SGCD: variants seen among roughly 807,000 people sequenced by gnomAD.
SGCD encodes the protein delta-sarcoglycan.
A neutral mutation model predicts 36.6 loss-of-function variants in SGCD; 18 were observed. The ratio of observed to expected loss-of-function variants is 0.49; its 90% confidence interval spans 0.34 to 0.73. SGCD has a LOEUF of 0.73. Among genes scored for constraint, SGCD ranks in the 30% least tolerant of loss-of-function variants. The probability of loss-of-function intolerance (pLI) is 0.01; values close to 1 mark genes in which losing one functional copy is unlikely to be tolerated. For synonymous variants in SGCD, 133 were observed against 130.6 expected (o/e 1.02, Z -0.12); for missense variants, 387 against 346.7 (o/e 1.12, Z -0.92).
chr5:156,572,777 C>T (rs1039689507), intron 4 of SGCD, among the ~76,000 whole-genome samples: 1 of 152,130 alleles, frequency 6.6e-6, no homozygotes, highest in African/African-American at 2.4e-5. Flanking sequence ...CTTTTGACAT[C>T]ACCCCTTTCC....
the SGCD span, among the ~76,000 whole-genome samples, chr5:155,735,678 A>G: frequency 1.3e-5 from 2 of 152,218 alleles, no homozygotes; most frequent in South Asian, 4.1e-4. Flanking sequence ...CACAGCCTGC[A>G]ACAGCACAAT....
intron 4 of SGCD, among the ~76,000 whole-genome samples, chr5:156,574,830 T>C (rs1304923461): frequency 6.6e-6 from 1 of 152,226 alleles, no homozygotes; most frequent in Non-Finnish European, 1.5e-5. Context: ...ACATTGACTT[T>C]ATCCAAACTT....
the SGCD span, among the ~76,000 whole-genome samples, chr5:155,738,302 T>C: frequency 6.6e-6 from 1 of 152,186 alleles, no homozygotes; most frequent in African/African-American, 2.4e-5. Flanking sequence ...AAAAAGTAAA[T>C]GTGCCCTCAT....
intron 3 of SGCD, among the ~76,000 whole-genome samples, chr5:156,232,237 T>A (rs1765037563): frequency 6.6e-6 from 1 of 152,236 alleles, no homozygotes; most frequent in African/African-American, 2.4e-5. Context: ...TATGATTTTT[T>A]AAAAATCCAT....
the SGCD span, among the ~76,000 whole-genome samples, chr5:155,769,346 A>T: frequency 4.6e-5 from 7 of 151,686 alleles, no homozygotes; most frequent in African/African-American, 1.5e-4. Flanking sequence ...TATTTCATGA[A>T]TTTTAGATTA....
At chr5:156,565,889 T>C (rs1298543298) in intron 4 of SGCD, among the ~76,000 whole-genome samples, 1 of 152,236 alleles carries the variant, frequency 6.6e-6, no homozygotes. Flanking sequence ...TCCTTTTTTA[T>C]GGCTGCCTTG....
intron 3 of SGCD, among the ~76,000 whole-genome samples, chr5:156,235,561 A>T (rs1457102290): frequency 6.6e-6 from 1 of 152,116 alleles, no homozygotes. Flanking sequence ...TCAGAGATAG[A>T]GTTGTTCTCT....
At chr5:156,755,232 G>T (rs1757292911) in intron 7 of SGCD, among the ~76,000 whole-genome samples, 1 of 152,172 alleles carries the variant, frequency 6.6e-6, no homozygotes, top group Admixed American at 6.5e-5. Context: ...ACTGAGGGAA[G>T]AAGGAAGAAA....
At chr5:155,868,837 A>G (rs1365719422), upstream of SGCD, among the ~76,000 whole-genome samples, 2 of 152,162 alleles carry the variant, frequency 1.3e-5, no homozygotes, top group African/African-American at 2.4e-5. Flanking sequence ...AGGTCAGGGA[A>G]AATAGGATTC....
intron 3 of SGCD, among the ~76,000 whole-genome samples, chr5:156,142,413 C>T (rs1762604098): frequency 6.6e-6 from 1 of 152,134 alleles, no homozygotes; most frequent in Non-Finnish European, 1.5e-5. Context: ...GAAAACGTAG[C>T]AGCTTTGGAA....
In SGCD at chr5:155,899,948, A is replaced by G. The variant is rs1219184644; in HGVS notation, c.-282+29524A>G. 2.0e-5 allele frequency among the ~76,000 whole-genome samples: 3 copies of G among 152,302 alleles called. No homozygotes were observed. In the East Asian group the frequency reaches 5.8e-4, roughly 29 times the overall value. Reference sequence around the variant, plus strand: ...AACACATATCATGATTTAAAGTTCTATTCATACTTGAATGATGAAACTGTG... The same window carrying G: ...AACACATATCATGATTTAAAGTTCTGTTCATACTTGAATGATGAAACTGTG... On this transcript the variant is annotated intron_variant, in intron 1 of 9. Coordinates refer to the SGCD transcript ENST00000517913.
At chr5:156,136,467 A>G (rs1251620645) in intron 3 of SGCD, among the ~76,000 whole-genome samples, 1 of 152,208 alleles carries the variant, frequency 6.6e-6, no homozygotes, top group Non-Finnish European at 1.5e-5. Flanking sequence ...GGATGACCAC[A>G]TGCAAATGCA....
the SGCD span, among the ~76,000 whole-genome samples, chr5:155,809,165 G>A: frequency 6.6e-6 from 1 of 152,180 alleles, no homozygotes; most frequent in African/African-American, 2.4e-5. Context: ...AGAAGACCAG[G>A]CACAGTGTCA....
chr5:156,082,317 C>T (rs1233709313), intron 1 of SGCD, among the ~76,000 whole-genome samples: 5 of 151,762 alleles, frequency 3.3e-5, no homozygotes, highest in Admixed American at 3.3e-4. Flanking sequence ...TCAGAGAAAC[C>T]TTGAGACTTC....
chr5:156,740,156 A>G (rs556576992), intron 7 of SGCD, among the ~76,000 whole-genome samples: 1 of 152,334 alleles, frequency 6.6e-6, no homozygotes, highest in East Asian at 1.9e-4. Context: ...GTTGAACATG[A>G]TGGTAGCCAA....
intron 4 of SGCD, among the ~76,000 whole-genome samples, chr5:156,536,201 ATCC>A (rs997374197): frequency 1.3e-5 from 2 of 152,162 alleles, no homozygotes; most frequent in African/African-American, 4.8e-5. Flanking sequence ...CATTTTAAAA[ATCC>A]TCCTGACATT....
rs70981989 is a variant in SGCD at position 155,892,459 on chromosome 5, G to GAAAAAA, written c.-282+22055_-282+22060dup. 2.6e-3 allele frequency among the ~76,000 whole-genome samples: 242 copies of GAAAAAA among 94,176 alleles called. 1 individual carries two copies. Among genetic ancestry groups the GAAAAAA allele is most frequent in the East Asian group, 3.5e-3 (10 of 2,878 alleles). 61.8% of individuals were successfully genotyped at this position (94,176 alleles called of 152,430 possible). A position where few individuals can be genotyped will look rare whatever the true frequency, so the allele number is the denominator to read the frequency against. ...ACAGAGTGAGACTCCATCTGAAAAA[G>GAAAAAA]AAAAAAAAAAAAAAAAAAAAAAAAA... On this transcript the variant is annotated intron_variant, in intron 1 of 9. Transcript: ENST00000517913.
intron 3 of SGCD, among the ~76,000 whole-genome samples, chr5:156,283,826 C>T (rs577379389): frequency 2.6e-5 from 4 of 152,258 alleles, no homozygotes; most frequent in East Asian, 1.9e-4. Flanking sequence ...AAGCAGTGTT[C>T]GACCTCAGAA....
intron 3 of SGCD, among the ~76,000 whole-genome samples, chr5:156,172,461 T>C (rs1763368519): frequency 6.6e-6 from 1 of 152,200 alleles, no homozygotes; most frequent in African/African-American, 2.4e-5. Context: ...CTTGGCAAAT[T>C]TCTAAACTTC....
Sources: gnomAD v4.1 joint callset for allele counts (sites outside exome capture counted in the v4.1 genomes callset) on GRCh38, gnomAD v4.1.1 for gene constraint, MANE v1.5 for transcripts, NCBI Gene and HGNC (gene_info 2026-07-23, HGNC 2026-07-21) for gene names.